Variants in COL4A6 observed in about 807,000 individuals in gnomAD.
COL4A6 encodes the protein collagen type IV alpha 6 chain, also known as collagen alpha-6(IV) chain.
A neutral mutation model predicts 126.7 loss-of-function variants in COL4A6; 59 were observed. That is an observed-to-expected ratio of 0.47 (90% CI 0.38 to 0.58). COL4A6 has a LOEUF of 0.58. Ranked by LOEUF, COL4A6 falls within the 20% of genes least tolerant of loss-of-function variation. The pLI is 0.00. For synonymous variants in COL4A6, 547 were observed against 496.6 expected (o/e 1.10, Z -1.35); for missense variants, 1,285 against 1,337.3 (o/e 0.96, Z 0.61).
At chrX:108,423,876 T>A (rs1375804187) in intron 2 of COL4A6, among the ~76,000 whole-genome samples, 1 of 111,592 alleles carries the variant, frequency 9.0e-6, no homozygotes, top group African/African-American at 3.3e-5. Context: ...CTTAACCACT[T>A]TTATCTTTCC....
At chrX:108,315,520 A>T (rs1423196885) in intron 2 of COL4A6, among the ~76,000 whole-genome samples, 429 of 112,230 alleles carry the variant, frequency 3.8e-3, no homozygotes, top group African/African-American at 0.014. Context: ...TAAATGCTAA[A>T]AATATTTAGC....
intron 2 of COL4A6, among the ~76,000 whole-genome samples, chrX:108,345,933 A>G: frequency 9.0e-6 from 1 of 111,714 alleles, no homozygotes; most frequent in Non-Finnish European, 1.9e-5. Context: ...TCAGGCATCC[A>G]TACTTTTTAA....
At chrX:108,360,332 T>C (rs1209071812) in intron 2 of COL4A6, among the ~76,000 whole-genome samples, 1 of 111,941 alleles carries the variant, frequency 8.9e-6, no homozygotes, top group African/African-American at 3.3e-5. Context: ...TTGGGTTCTG[T>C]CTTTCAGGAG....
intron 2 of COL4A6, among the ~76,000 whole-genome samples, chrX:108,349,491 C>A (rs1287202683): frequency 8.9e-6 from 1 of 111,831 alleles, no homozygotes; most frequent in Non-Finnish European, 1.9e-5. Flanking sequence ...TCTGTGGGAC[C>A]TCAGGCAAGT....
At chrX:108,298,899 T>C (rs1473544603) in intron 3 of COL4A6, among the ~76,000 whole-genome samples, 5 of 110,752 alleles carry the variant, frequency 4.5e-5, no homozygotes, top group African/African-American at 1.3e-4. Context: ...ATTTAAAAAG[T>C]AAAATTCAGG....
chrX:108,166,775 C>T (rs749958305), intron 37 of COL4A6, among the ~76,000 whole-genome samples: 1 of 111,587 alleles, frequency 9.0e-6, no homozygotes, highest in Non-Finnish European at 1.9e-5. Context: ...GTTTGGTGAA[C>T]CTTTGAAATA....
chrX:108,289,235 TGAGTA>T (rs1373671168), intron 3 of COL4A6, among the ~76,000 whole-genome samples: 1 of 98,992 alleles, frequency 1.0e-5, no homozygotes, highest in Non-Finnish European at 2.0e-5. Context: ...CCAAGAGCAA[TGAGTA>T]TAGTGTGTGT....
chrX:108,434,767 T>G (rs1772145610), intron 2 of COL4A6, among the ~76,000 whole-genome samples: 2 of 104,671 alleles, frequency 1.9e-5, no homozygotes, highest in Non-Finnish European at 3.9e-5. Flanking sequence ...CATCCCAAGA[T>G]ATATATATAT....
At chrX:108,340,066 G>A (rs1434750301) in intron 2 of COL4A6, among the ~76,000 whole-genome samples, 5 of 111,329 alleles carry the variant, frequency 4.5e-5, no homozygotes, top group African/African-American at 6.5e-5. Flanking sequence ...GCTCTGTAAT[G>A]CAGTATTTTC....
intron 3 of COL4A6, among the ~76,000 whole-genome samples, chrX:108,231,077 CTACATACATACATACATACATACA>C (rs112392457): frequency 4.9e-3 from 515 of 105,844 alleles, no homozygotes; most frequent in African/African-American, 0.018. Flanking sequence ...CCCTTTCCAT[CTACATACATACATACATACATACA>C]TACATACATA....
intron 2 of COL4A6, among the ~76,000 whole-genome samples, chrX:108,351,188 T>G (rs750805833): frequency 2.9e-4 from 32 of 111,396 alleles, no homozygotes; most frequent in Non-Finnish European, 4.3e-4. Context: ...GACAGTTTTC[T>G]TTTCATTACT....
chrX:108,340,742 A>G, intron 2 of COL4A6, among the ~76,000 whole-genome samples: 1 of 108,495 alleles, frequency 9.2e-6, no homozygotes, highest in Non-Finnish European at 1.9e-5. Context: ...ATGCAGTAAA[A>G]ATATAAAGAC....
intron 2 of COL4A6, among the ~76,000 whole-genome samples, chrX:108,429,064 A>G (rs2036699554): frequency 8.9e-6 from 1 of 112,487 alleles, no homozygotes; most frequent in Admixed American, 9.4e-5. Flanking sequence ...TGAAGAGAGA[A>G]TTAACATGTG....
At chrX:108,215,631 C>A (rs942318830) in intron 5 of COL4A6, among the ~76,000 whole-genome samples, 2 of 111,151 alleles carry the variant, frequency 1.8e-5, no homozygotes, top group African/African-American at 6.6e-5. Flanking sequence ...ACGAGAAAGA[C>A]ACAGGTTATT....
intron 19 of COL4A6, 121 bp downstream of exon 19, chrX:108,191,272 A>C: frequency 2.3e-6 from 2 of 882,559 alleles, no homozygotes; most frequent in Admixed American, 2.9e-5. Context: ...GCCCCTCTGC[A>C]ATTATCATGT....
chrX:108,179,806 G>A (rs1266491672), intron 25 of COL4A6, among the ~76,000 whole-genome samples: 1 of 107,185 alleles, frequency 9.3e-6, no homozygotes, highest in African/African-American at 3.4e-5. Flanking sequence ...GTGGGGAGAG[G>A]GTACTGGAGG....
chrX:108,249,937 T>A lies in COL4A6; in HGVS notation c.145-28563A>T, dbSNP rs2036811272. Among the ~76,000 whole-genome samples, 6 of 111,750 alleles carry A rather than the reference T, an allele frequency of 5.4e-5. No individual in the cohort carries two copies. The South Asian group carries it at 2.3e-3, about 43-fold the overall frequency. On this transcript the variant is annotated intron_variant, in intron 3 of 44. Transcript: ENST00000334504. ...TTCCATTGCAAAGTTCAAGGTAGGT[T>A]GCAGTGAAGTGACATGAGGGACACG...
At chrX:108,273,901 A>C (rs997279467) in intron 3 of COL4A6, among the ~76,000 whole-genome samples, 2 of 112,458 alleles carry the variant, frequency 1.8e-5, no homozygotes, top group Non-Finnish European at 3.7e-5. Flanking sequence ...GTGGGAACAC[A>C]TAGGTTAGAG....
Position 108,170,589 on chromosome X carries a change from C to G in COL4A6, c.3493+20G>C. 2 of 1,161,022 alleles carry G rather than the reference C, an allele frequency of 1.7e-6. No homozygotes were observed. The highest frequency in any genetic ancestry group is 2.3e-6 in the Non-Finnish European group (2 of 853,301). ...CGAGGGAAAGACTTTTCCCCACTGC[C>G]TGCTCCCAAATACACATACCTTTGG... On this transcript the variant is annotated intron_variant, in intron 35 of 44. Transcript: ENST00000334504.
Sources: allele counts gnomAD v4.1 joint callset (sites outside exome capture counted in the v4.1 genomes callset), GRCh38; gene constraint gnomAD v4.1.1; transcripts MANE v1.5; gene names NCBI Gene and HGNC (gene_info 2026-07-23, HGNC 2026-07-21).